The following ATXN10 variants were observed in gnomAD, a reference collection of about 807,000 sequenced individuals.
ATXN10 encodes ataxin 10, also known as ataxin-10.
ATXN10 carries 28 observed loss-of-function variants against 52.9 expected under a neutral mutation model. That is an observed-to-expected ratio of 0.53 (90% CI 0.39 to 0.73). The LOEUF (loss-of-function observed/expected upper bound fraction) is 0.73. ATXN10 is among the 30% of genes least tolerant of loss of function. The pLI is 0.00. For synonymous variants in ATXN10, 226 were observed against 221.5 expected (o/e 1.02, Z -0.18); for missense variants, 565 against 577.0 (o/e 0.98, Z 0.21).
intron 9 of ATXN10, among the ~76,000 whole-genome samples, chr22:45,782,865 G>A (rs1406098123): frequency 6.6e-6 from 1 of 152,188 alleles, no homozygotes; most frequent in African/African-American, 2.4e-5. Flanking sequence ...CCCTATGTAT[G>A]TGAGGTTTTG....
Position 45,750,179 on chromosome 22 carries a change from C to T in ATXN10, c.1173+9641C>T, listed in dbSNP as rs1410908924. 2.0e-5 allele frequency among the ~76,000 whole-genome samples: 3 copies of T among 151,926 alleles called. No individual in the cohort carries two copies. The highest frequency in any genetic ancestry group is 4.4e-5 in the Non-Finnish European group (3 of 67,974). The stretch of plus-strand genomic sequence containing the variant: ...GTGCAGTGGTGTGATCACAGCTCAC[C>T]GCAGTTCTGTGCTCAAGTGATCCTC... On this transcript the variant is annotated intron_variant, in intron 9 of 11. Coordinates refer to ENST00000252934, the MANE Select transcript of ATXN10 (RefSeq NM_013236.4). This position sits in a 1 kb window ranked among gnomAD's most constrained non-coding sequence, Gnocchi z 4.2.
rs1929307715 is a variant in ATXN10, at chr22:45,840,402, C to T, written c.1238-2589C>T. Among the ~76,000 whole-genome samples the T allele has an allele frequency of 6.6e-6, 1 of 152,074 alleles. No individual in the cohort carries two copies. The highest frequency in any genetic ancestry group is 6.5e-5 in the Admixed American group (1 of 15,274). On this transcript the variant is annotated intron_variant, in intron 10 of 11. Coordinates refer to ENST00000252934, the MANE Select transcript of ATXN10 (RefSeq NM_013236.4). This position sits in a 1 kb window ranked among gnomAD's most constrained non-coding sequence, Gnocchi z 5.8. ...AATCTAAGCAGGTGCCGAGGGGTAGCTAAGACAGGGAAGGCTTCCGGGAGA... is the reference window on the plus strand; with the variant it reads ...AATCTAAGCAGGTGCCGAGGGGTAGTTAAGACAGGGAAGGCTTCCGGGAGA...
At position 45,789,546 on chromosome 22, in the gene ATXN10, A is replaced by G. The variant is rs892298861; in HGVS notation, c.1174-17413A>G. 2.6e-5 allele frequency among the ~76,000 whole-genome samples: 4 copies of G among 152,170 alleles called. No individual in the cohort carries two copies. Among genetic ancestry groups the G allele is most frequent in the Non-Finnish European group, 5.9e-5 (4 of 68,026 alleles). ...TACAGCTCAACTCAAAGAGGGATTC[A>G]ATTGTCACCGCCCTGGGAAGGCGCC... On this transcript the variant is annotated intron_variant, in intron 9 of 11. Coordinates refer to ENST00000252934, the MANE Select transcript of ATXN10 (RefSeq NM_013236.4). This position sits in a 1 kb window ranked among gnomAD's most constrained non-coding sequence, Gnocchi z 4.0.
In ATXN10 at chr22:45,829,279, C is replaced by A. The variant is rs151254902; in HGVS notation, c.1238-13712C>A. The stretch of plus-strand genomic sequence containing the variant: ...AGTGAAAAATCAACAGCAAACATAA[C>A]TCCACGATGAAAGACTGAAAGCTTT... On this transcript the variant is annotated intron_variant, in intron 10 of 11. Coordinates refer to ENST00000252934, the MANE Select transcript of ATXN10 (RefSeq NM_013236.4). 1.3e-3 allele frequency among the ~76,000 whole-genome samples: 192 copies of A among 152,254 alleles called. 4 individuals are homozygous for A. The East Asian group carries it at 0.035, about 28-fold the overall frequency.
intron 5 of ATXN10, among the ~76,000 whole-genome samples, chr22:45,711,611 G>A (rs563523979): frequency 2.0e-5 from 3 of 152,212 alleles, no homozygotes; most frequent in South Asian, 4.1e-4. Context: ...TGTTACCATT[G>A]GGGAAAACTG....
intron 9 of ATXN10, chr22:45,792,592 G>C: frequency 5.4e-6 from 1 of 185,746 alleles, no homozygotes. Flanking sequence ...TCCTTTAGGG[G>C]ATGGTGCTCT....
Position 45,819,123 on chromosome 22 carries a change from C to T in ATXN10, c.1237+12101C>T, listed in dbSNP as rs552296128. On this transcript the variant is annotated intron_variant, in intron 10 of 11. Coordinates refer to ENST00000252934, the MANE Select transcript of ATXN10 (RefSeq NM_013236.4). This position sits in a 1 kb window ranked among gnomAD's most constrained non-coding sequence, Gnocchi z 4.5. ...TGTTTTTCAAAATTGTTTACTCAAA[C>T]AGTACATTTAACAGAGTAGCCATCC... 6.6e-6 allele frequency among the ~76,000 whole-genome samples: 1 copy of T among 152,152 alleles called. No homozygotes were observed. Among genetic ancestry groups the T allele is most frequent in the African/African-American group, 2.4e-5 (1 of 41,512 alleles).
intron 7 of ATXN10, among the ~76,000 whole-genome samples, chr22:45,731,039 C>T (rs1261715880): frequency 1.3e-5 from 2 of 152,276 alleles, no homozygotes; most frequent in South Asian, 2.1e-4. Context: ...TTTATCAGGG[C>T]GTGGAAGGGA....
intron 9 of ATXN10, among the ~76,000 whole-genome samples, chr22:45,749,778 C>T (rs1925877807): frequency 6.6e-6 from 1 of 152,086 alleles, no homozygotes; most frequent in African/African-American, 2.4e-5. Context: ...GTTGCCCAGG[C>T]TGGTCTCAAA....
chr22:45,795,123 C>G lies in ATXN10; in HGVS notation c.1174-11836C>G, dbSNP rs1303421243. Among the ~76,000 whole-genome samples the G allele has an allele frequency of 2.6e-5, 4 of 152,086 alleles. No homozygotes were observed. Among genetic ancestry groups the G allele is most frequent in the Non-Finnish European group, 5.9e-5 (4 of 68,022 alleles). On this transcript the variant is annotated intron_variant, in intron 9 of 11. Transcript: ENST00000252934. This position sits in a 1 kb window ranked among gnomAD's most constrained non-coding sequence, Gnocchi z 4.6. ...CTGCAACAAGGTAAAGATGTATACT[C>G]TAAACTCCAGTGCAACCACTTTTAG...
chr22:45,843,557 CTAAGT>C lies in ATXN10; in HGVS notation c.1426-109_1426-105del. Reference sequence around the variant, plus strand: ...ATTGCATGAATTGTTTTAGGTTTCTCTAAGTTATTTGTCACCACTGACCAAAGTTC... The same window carrying C: ...ATTGCATGAATTGTTTTAGGTTTCTCTATTTGTCACCACTGACCAAAGTTC... On this transcript the variant is annotated intron_variant, in intron 11 of 11. Coordinates refer to ENST00000252934, the MANE Select transcript of ATXN10 (RefSeq NM_013236.4). This position sits in a 1 kb window ranked among gnomAD's most constrained non-coding sequence, Gnocchi z 4.5. 1 of 957,804 alleles carries C rather than the reference CTAAGT, an allele frequency of 1.0e-6. No homozygotes were observed. Among genetic ancestry groups the C allele is most frequent in the Non-Finnish European group, 1.7e-6 (1 of 600,618 alleles). The allele number at this position is 957,804 out of a possible 1,614,324, so 59.3% of individuals were successfully genotyped here. A position where few individuals can be genotyped will look rare whatever the true frequency, so the allele number is the denominator to read the frequency against.
In ATXN10 at chr22:45,842,020, T is replaced by A. The variant is rs543208527; in HGVS notation, c.1238-971T>A. ...TTGTCTTGCTGCCTTTATCTGCTCG[T>A]GGGCAGGGAGGTCTCTTTCTTTGGA... On this transcript the variant is annotated intron_variant, in intron 10 of 11. Transcript: ENST00000252934. The surrounding 1 kb of genome is among the most constrained non-coding windows in gnomAD (Gnocchi z 4.8). 3.3e-5 allele frequency among the ~76,000 whole-genome samples: 5 copies of A among 152,290 alleles called. No individual in the cohort carries two copies. Among genetic ancestry groups the A allele is most frequent in the African/African-American group, 1.2e-4 (5 of 41,578 alleles).
chr22:45,693,465 C>T (rs1173788691), intron 3 of ATXN10, among the ~76,000 whole-genome samples: 1 of 152,116 alleles, frequency 6.6e-6, no homozygotes. Context: ...CTTTGTTCTC[C>T]TGTGGTGGAA....
At chr22:45,702,929 G>A (rs1350904939) in intron 5 of ATXN10, 82 bp downstream of exon 5, 3 of 1,551,878 alleles carry the variant, frequency 1.9e-6, no homozygotes, top group African/African-American at 1.4e-5. Flanking sequence ...GTAAAAATTT[G>A]GACATTGTGA....
Position 45,718,585 on chromosome 22 carries a change from G to A in ATXN10, c.728+92G>A. ...TGAAAAGCTGTGTGGTTTCTGAGTT[G>A]GCACAGAATCTCTAAATACATGTTT... On this transcript the variant is annotated intron_variant, in intron 6 of 11. Coordinates refer to ENST00000252934, the MANE Select transcript of ATXN10 (RefSeq NM_013236.4). This position sits in a 1 kb window ranked among gnomAD's most constrained non-coding sequence, Gnocchi z 4.4. 8.8e-7 allele frequency: 1 copy of A among 1,141,312 alleles called. No individual in the cohort carries two copies. The highest frequency in any genetic ancestry group is 1.3e-6 in the Non-Finnish European group (1 of 750,770). 70.7% of individuals were successfully genotyped at this position (1,141,312 alleles called of 1,614,324 possible). A position where few individuals can be genotyped will look rare whatever the true frequency, so the allele number is the denominator to read the frequency against.
At chr22:45,702,936 G>T (rs961100460) in intron 5 of ATXN10, 89 bp downstream of exon 5, 9 of 1,505,348 alleles carry the variant, frequency 6.0e-6, no homozygotes, top group African/African-American at 4.1e-5. Flanking sequence ...TTTGGACATT[G>T]TGATAATTGA....
intron 9 of ATXN10, among the ~76,000 whole-genome samples, chr22:45,742,533 A>T (rs923414910): frequency 5.3e-5 from 8 of 150,776 alleles, no homozygotes; most frequent in Admixed American, 4.0e-4. Context: ...TCTAAAATAA[A>T]AAAAAAAAAA....
chr22:45,688,740 C>A lies in ATXN10; in HGVS notation c.117-972C>A, dbSNP rs1454162479. Among the ~76,000 whole-genome samples the A allele has an allele frequency of 6.6e-6, 1 of 152,200 alleles. No homozygotes were observed. Among genetic ancestry groups the A allele is most frequent in the African/African-American group, 2.4e-5 (1 of 41,454 alleles). On this transcript the variant is annotated intron_variant, in intron 1 of 11. Coordinates refer to ENST00000252934, the MANE Select transcript of ATXN10 (RefSeq NM_013236.4). This position sits in a 1 kb window ranked among gnomAD's most constrained non-coding sequence, Gnocchi z 4.0. ...GGGTGAAAGGTAGGGCACTGTGAAT[C>A]TACAGCGAGAGCAGAAGGAGAAAAT...
chr22:45,771,269 C>T lies in ATXN10; in HGVS notation c.1173+30731C>T, dbSNP rs142175574. ...GGAATACAACTCTGCACATCCTCGT[C>T]AGCTCTTGGTATTGTCAGTATTTTT... On this transcript the variant is annotated intron_variant, in intron 9 of 11. Transcript: ENST00000252934. Among the ~76,000 whole-genome samples the T allele has an allele frequency of 3.3e-5, 5 of 152,302 alleles. No homozygotes were observed. In the East Asian group the frequency reaches 9.6e-4, roughly 29 times the overall value.
Sources: gnomAD v4.1 joint callset for allele counts (sites outside exome capture counted in the v4.1 genomes callset) on GRCh38, gnomAD v4.1.1 for gene constraint, Gnocchi (gnomAD v3.1) non-coding constraint, MANE v1.5 for transcripts, NCBI Gene and HGNC (gene_info 2026-07-23, HGNC 2026-07-21) for gene names.